TENM3: variants seen among roughly 807,000 people sequenced by gnomAD.
The protein encoded by TENM3 is teneurin transmembrane protein 3.
In TENM3, 63 loss-of-function variants were observed where a neutral mutation model predicts 255.1. The ratio of observed to expected loss-of-function variants is 0.25; its 90% CI spans 0.20 to 0.30. The LOEUF (loss-of-function observed/expected upper bound fraction) is 0.30. Ranked by LOEUF, TENM3 falls within the 10% of genes least tolerant of loss-of-function variation. TENM3 has a pLI of 1.00. For missense variants in TENM3, 2,929 were observed against 3,461.1 expected (o/e 0.85, Z 3.86); for synonymous variants, 1,306 against 1,322.3 (o/e 0.99, Z 0.27).
chr4:182,594,853 A>G (rs1560977072), intron 3 of TENM3, among the ~76,000 whole-genome samples: 3 of 151,702 alleles, frequency 2.0e-5, no homozygotes, highest in African/African-American at 4.8e-5. Flanking sequence ...CCAAGTAGCT[A>G]GGATTACAGG....
chr4:182,539,628 C>A (rs374681480), intron 3 of TENM3, among the ~76,000 whole-genome samples: 5 of 152,284 alleles, frequency 3.3e-5, no homozygotes, highest in African/African-American at 1.2e-4. Flanking sequence ...AAGGATCATT[C>A]GAACGATATT....
the TENM3 span, among the ~76,000 whole-genome samples, chr4:181,510,865 A>T: frequency 6.6e-6 from 1 of 152,258 alleles, no homozygotes; most frequent in Non-Finnish European, 1.5e-5. Flanking sequence ...TTCTTAAATT[A>T]TCTTAATCCT....
the TENM3 span, among the ~76,000 whole-genome samples, chr4:181,658,367 C>A: frequency 1.6e-4 from 25 of 152,248 alleles, no homozygotes; most frequent in East Asian, 4.4e-3. Flanking sequence ...CACAGAATAA[C>A]CGTCCATATA....
the TENM3 span, among the ~76,000 whole-genome samples, chr4:181,569,941 A>AAG: frequency 3.9e-5 from 6 of 152,208 alleles, no homozygotes; most frequent in Non-Finnish European, 8.8e-5. Flanking sequence ...AACTAAGAAA[A>AAG]AGAGACTTTG....
the TENM3 span, among the ~76,000 whole-genome samples, chr4:182,133,877 G>A: frequency 6.6e-6 from 1 of 152,082 alleles, no homozygotes; most frequent in South Asian, 2.1e-4. Context: ...TTTAACCCAG[G>A]GCAATATTTC....
At chr4:182,621,744 A>AATATT (rs1750250244) in intron 4 of TENM3, among the ~76,000 whole-genome samples, 3 of 25,464 alleles carry the variant, frequency 1.2e-4, no homozygotes, top group African/African-American at 3.6e-4. Context: ...TATAATATAT[A>AATATT]ATATATTATA....
chr4:181,758,234 T>G, the TENM3 span, among the ~76,000 whole-genome samples: 1 of 152,144 alleles, frequency 6.6e-6, no homozygotes, highest in Non-Finnish European at 1.5e-5. Flanking sequence ...TTTGGGGACA[T>G]GTATGGGATA....
At chr4:181,767,295 A>G in the TENM3 span, among the ~76,000 whole-genome samples, 1 of 151,494 alleles carries the variant, frequency 6.6e-6, no homozygotes, top group Non-Finnish European at 1.5e-5. Context: ...ATCACAGTCA[A>G]TGAAATTCAA....
chr4:181,915,647 G>A, the TENM3 span, among the ~76,000 whole-genome samples: 4 of 138,628 alleles, frequency 2.9e-5, no homozygotes, highest in African/African-American at 7.8e-5. Context: ...AAGGAGAGAG[G>A]AGAAGCAGAG....
At chr4:182,274,615 G>A (rs967070447) in intron 1 of TENM3, among the ~76,000 whole-genome samples, 2 of 152,130 alleles carry the variant, frequency 1.3e-5, no homozygotes, top group Admixed American at 1.3e-4. Flanking sequence ...CATCCTGGGC[G>A]TGGATGCTGA....
chr4:181,792,502 A>G, the TENM3 span, among the ~76,000 whole-genome samples: 15 of 152,274 alleles, frequency 9.9e-5, no homozygotes, highest in African/African-American at 3.4e-4. Flanking sequence ...TCCTGTCAAC[A>G]TAGATTGATA....
At chr4:181,792,245 G>GA in the TENM3 span, among the ~76,000 whole-genome samples, 1 of 152,188 alleles carries the variant, frequency 6.6e-6, no homozygotes, top group Non-Finnish European at 1.5e-5. Flanking sequence ...TTTCTTAGAA[G>GA]AAAAATATCT....
chr4:182,078,822 T>G, the TENM3 span, among the ~76,000 whole-genome samples: 1 of 152,074 alleles, frequency 6.6e-6, no homozygotes, highest in South Asian at 2.1e-4. Context: ...TTGGGTGATA[T>G]TATTAGTGGT....
intron 3 of TENM3, among the ~76,000 whole-genome samples, chr4:182,477,971 T>C (rs1006958246): frequency 2.0e-5 from 3 of 152,168 alleles, no homozygotes; most frequent in Non-Finnish European, 2.9e-5. Context: ...AATTTAGTTA[T>C]AGATTATATA....
chr4:182,197,976 G>A (rs773803802), intron 1 of TENM3, among the ~76,000 whole-genome samples: 54 of 152,240 alleles, frequency 3.5e-4, no homozygotes, highest in African/African-American at 9.4e-4. Flanking sequence ...GTGGTGGCAC[G>A]TGCTTGTAAT....
chr4:181,703,653 A>G, the TENM3 span, among the ~76,000 whole-genome samples: 4 of 152,100 alleles, frequency 2.6e-5, no homozygotes, highest in African/African-American at 7.2e-5. Context: ...CCTCCTTATA[A>G]CAGCTGAGTT....
intron 22 of TENM3, among the ~76,000 whole-genome samples, chr4:182,763,113 A>C (rs565601926): frequency 6.6e-6 from 1 of 152,172 alleles, no homozygotes; most frequent in Admixed American, 6.5e-5. Flanking sequence ...GATATAACTT[A>C]AGATTTTCCC....
At chr4:182,426,497 G>A (rs915012751) in intron 3 of TENM3, among the ~76,000 whole-genome samples, 3 of 152,126 alleles carry the variant, frequency 2.0e-5, no homozygotes, top group Non-Finnish European at 2.9e-5. Context: ...AAAAATGTGA[G>A]TGAATGACTT....
chr4:182,570,486 C>T (rs1580973863), intron 3 of TENM3, among the ~76,000 whole-genome samples: 1 of 152,296 alleles, frequency 6.6e-6, no homozygotes, highest in South Asian at 2.1e-4. Context: ...TGTGGAAAAT[C>T]AGTCAGCTAG....
Sources: allele counts gnomAD v4.1 joint callset (sites outside exome capture counted in the v4.1 genomes callset), GRCh38; gene constraint gnomAD v4.1.1; transcripts MANE v1.5; gene names NCBI Gene and HGNC (gene_info 2026-07-23, HGNC 2026-07-21).